ITGB5: variants seen among roughly 807,000 people sequenced by gnomAD.
ITGB5 encodes integrin subunit beta 5, also known as integrin beta-5.
ITGB5 carries 38 observed loss-of-function variants against 84.8 expected under a neutral mutation model. That is an observed-to-expected ratio of 0.45 (90% CI 0.35 to 0.59). The LOEUF is 0.59. Ranked by LOEUF, ITGB5 falls within the 20% of genes least tolerant of loss-of-function variation. The pLI, the probability that ITGB5 is intolerant of heterozygous loss-of-function variation, is 0.01. For synonymous variants in ITGB5, 393 were observed against 414.4 expected, an observed-to-expected ratio of 0.95 and a Z score of 0.63; for missense variants, 905 against 1,034.5, an observed-to-expected ratio of 0.87 and a Z score of 1.72.
chr3:124,796,853 G>T, intron 9 of ITGB5, 36 bp from the exon 10 acceptor site: 2 of 1,551,884 alleles, frequency 1.3e-6, no homozygotes, highest in South Asian at 1.2e-5. Context: ...TCATGGCTGC[G>T]GCAAGCCAGG....
chr3:124,854,562 G>T (rs2065197069), intron 3 of ITGB5, among the ~76,000 whole-genome samples: 1 of 152,160 alleles, frequency 6.6e-6, no homozygotes, highest in Non-Finnish European at 1.5e-5. Context: ...AAACTATATA[G>T]AGAGAAAGTA....
intron 12 of ITGB5, among the ~76,000 whole-genome samples, chr3:124,768,312 C>G (rs912214853): frequency 6.6e-6 from 1 of 152,164 alleles, no homozygotes; most frequent in African/African-American, 2.4e-5. Flanking sequence ...TACAATCAGT[C>G]GTTTTACTCA....
At chr3:124,771,195 C>A (rs548674284) in intron 11 of ITGB5, among the ~76,000 whole-genome samples, 24 of 152,274 alleles carry the variant, frequency 1.6e-4, no homozygotes, top group Non-Finnish European at 1.5e-5. Flanking sequence ...TAACTGAAAT[C>A]AGCTGGGTGT....
At chr3:124,780,790 CT>C (rs1328174517) in intron 10 of ITGB5, 6 of 153,288 alleles carry the variant, frequency 3.9e-5, no homozygotes, top group Admixed American at 6.5e-5. Flanking sequence ...CTCCTCCTCC[CT>C]CTTCCCCTCT....
chr3:124,800,933 G>A (rs930251250), intron 9 of ITGB5, among the ~76,000 whole-genome samples: 9 of 152,168 alleles, frequency 5.9e-5, no homozygotes, highest in Admixed American at 2.0e-4. Context: ...CCTCCCACTC[G>A]GTCTTGTTAT....
intron 9 of ITGB5, among the ~76,000 whole-genome samples, chr3:124,799,769 A>C (rs1406242038): frequency 6.6e-6 from 1 of 152,098 alleles, no homozygotes; most frequent in African/African-American, 2.4e-5. Flanking sequence ...CCAGGCCTAG[A>C]GCAGGGCCCG....
intron 5 of ITGB5, among the ~76,000 whole-genome samples, chr3:124,840,930 C>T (rs2065002659): frequency 1.3e-5 from 2 of 152,204 alleles, no homozygotes; most frequent in South Asian, 4.1e-4. Context: ...TCCCAAAGTG[C>T]TGGGATTACA....
intron 7 of ITGB5, among the ~76,000 whole-genome samples, chr3:124,818,561 T>C (rs2064645677): frequency 1.6e-5 from 2 of 126,800 alleles, no homozygotes; most frequent in Admixed American, 1.0e-4. Context: ...TCCCCCAGGC[T>C]GGAGTGCAAT....
intron 12 of ITGB5, among the ~76,000 whole-genome samples, chr3:124,768,283 T>A (rs2063794706): frequency 6.6e-6 from 1 of 152,192 alleles, no homozygotes; most frequent in Admixed American, 6.5e-5. Flanking sequence ...CCCCTCACCA[T>A]TTAAACCATT....
intron 5 of ITGB5, among the ~76,000 whole-genome samples, chr3:124,824,803 C>T (rs2064759285): frequency 6.6e-6 from 1 of 152,120 alleles, no homozygotes; most frequent in South Asian, 2.1e-4. Context: ...CATCATTAGT[C>T]ATTAAGGAAA....
chr3:124,806,116 C>G (rs936929318), intron 9 of ITGB5, among the ~76,000 whole-genome samples: 1 of 152,154 alleles, frequency 6.6e-6, no homozygotes, highest in Non-Finnish European at 1.5e-5. Flanking sequence ...CATGTTCACC[C>G]AGCTACAAAT....
chr3:124,765,132 T>G (rs2063748641), intron 13 of ITGB5, among the ~76,000 whole-genome samples: 2 of 152,236 alleles, frequency 1.3e-5, no homozygotes, highest in African/African-American at 4.8e-5. Flanking sequence ...ATTATGTGGT[T>G]GGGCTCAATT....
chr3:124,863,162 A>G (rs900242245), intron 2 of ITGB5: 2 of 152,090 alleles, frequency 1.3e-5, no homozygotes, highest in Admixed American at 1.3e-4. Flanking sequence ...AGGCATCTTT[A>G]CCTATATATC....
chr3:124,841,353 T>G, intron 5 of ITGB5, 30 bp downstream of exon 5: 1 of 1,606,118 alleles, frequency 6.2e-7, no homozygotes, highest in Non-Finnish European at 8.5e-7. Flanking sequence ...GACCTCCCCA[T>G]GCAGGGACAG....
chr3:124,837,020 GATTT>G (rs1412233349), intron 5 of ITGB5, among the ~76,000 whole-genome samples: 2 of 152,188 alleles, frequency 1.3e-5, no homozygotes, highest in Non-Finnish European at 2.9e-5. Context: ...GGGTTGCACT[GATTT>G]ATTTTCTGGC....
At chr3:124,803,040 G>A (rs1341939599) in intron 9 of ITGB5, among the ~76,000 whole-genome samples, 2 of 152,224 alleles carry the variant, frequency 1.3e-5, no homozygotes, top group Non-Finnish European at 2.9e-5. Flanking sequence ...GTGCCGGCCT[G>A]AGCAGAAGTT....
intron 10 of ITGB5, among the ~76,000 whole-genome samples, chr3:124,783,978 G>A (rs1488635124): frequency 6.6e-6 from 1 of 152,158 alleles, no homozygotes. Flanking sequence ...GCCCTGACAA[G>A]CCCCTCACCC....
At chr3:124,766,201 C>G in intron 13 of ITGB5, 25 bp downstream of exon 13, 1 of 1,608,220 alleles carries the variant, frequency 6.2e-7, no homozygotes, top group Non-Finnish European at 8.5e-7. Context: ...GCTGAGTGGG[C>G]CGAGCCCTTG....
At chr3:124,884,362 C>A (rs1472211373) in intron 1 of ITGB5, among the ~76,000 whole-genome samples, 1 of 152,148 alleles carries the variant, frequency 6.6e-6, no homozygotes, top group South Asian at 2.1e-4. Context: ...GAGGCCAGTG[C>A]CATGGCTTGC....
Sources: gnomAD v4.1 joint callset for allele counts (sites outside exome capture counted in the v4.1 genomes callset) on GRCh38, gnomAD v4.1.1 for gene constraint, MANE v1.5 for transcripts, NCBI Gene and HGNC (gene_info 2026-07-23, HGNC 2026-07-21) for gene names.